COX7B2: variants seen among roughly 807,000 people sequenced by gnomAD.
COX7B2 encodes the protein cytochrome c oxidase subunit 7B2.
For synonymous variants in COX7B2, 37 were observed against 32.1 expected (o/e 1.15, Z -0.51); for missense variants, 109 against 95.9 (o/e 1.14, Z -0.57).
chr4:46,790,491 T>G (rs1246035989), intron 2 of COX7B2, among the ~76,000 whole-genome samples: 1 of 152,230 alleles, frequency 6.6e-6, no homozygotes, highest in Non-Finnish European at 1.5e-5. Flanking sequence ...TTATTATTGC[T>G]GGGCTTATCT....
At chr4:46,883,402 T>C (rs1307779341) in intron 1 of COX7B2, among the ~76,000 whole-genome samples, 1 of 152,040 alleles carries the variant, frequency 6.6e-6, no homozygotes, top group Admixed American at 6.6e-5. Context: ...ATTTTTGCAC[T>C]AGTATTTTCT....
chr4:46,801,625 C>T (rs1174953859), intron 2 of COX7B2, among the ~76,000 whole-genome samples: 3 of 152,082 alleles, frequency 2.0e-5, no homozygotes, highest in Admixed American at 6.6e-5. Context: ...GTTATGCCCA[C>T]TACCTGGGTG....
chr4:46,749,411 C>G (rs1036680503), intron 2 of COX7B2, among the ~76,000 whole-genome samples: 1 of 152,142 alleles, frequency 6.6e-6, no homozygotes, highest in Non-Finnish European at 1.5e-5. Flanking sequence ...TCCCCATCCT[C>G]CATCTATTTT....
At chr4:46,813,754 C>A (rs1719406509) in intron 2 of COX7B2, among the ~76,000 whole-genome samples, 1 of 152,090 alleles carries the variant, frequency 6.6e-6, no homozygotes, top group Non-Finnish European at 1.5e-5. Context: ...AGTAAAGAGA[C>A]AACTTGTAAG....
chr4:46,747,611 A>G (rs925734824), intron 2 of COX7B2, among the ~76,000 whole-genome samples: 2 of 152,110 alleles, frequency 1.3e-5, no homozygotes, highest in African/African-American at 4.8e-5. Context: ...CTTAGCTCCC[A>G]CTTATAAGTG....
At chr4:46,835,079 G>C (rs1027156123) in intron 2 of COX7B2, among the ~76,000 whole-genome samples, 4 of 152,054 alleles carry the variant, frequency 2.6e-5, no homozygotes, top group African/African-American at 9.7e-5. Flanking sequence ...TTCCCTAGTA[G>C]TTTGATAAAG....
At chr4:46,898,087 T>A (rs1364531237) in intron 1 of COX7B2, among the ~76,000 whole-genome samples, 1 of 152,148 alleles carries the variant, frequency 6.6e-6, no homozygotes, top group Non-Finnish European at 1.5e-5. Flanking sequence ...AGTCTGAACC[T>A]GTATCTCCTC....
chr4:46,775,384 T>C (rs1477693029), intron 2 of COX7B2, among the ~76,000 whole-genome samples: 1 of 152,120 alleles, frequency 6.6e-6, no homozygotes, highest in Non-Finnish European at 1.5e-5. Flanking sequence ...TCACTGTATT[T>C]TAGGATGACT....
At chr4:46,821,313 TCCAGAAGAAA>T (rs1205052129) in intron 2 of COX7B2, among the ~76,000 whole-genome samples, 1 of 152,202 alleles carries the variant, frequency 6.6e-6, no homozygotes, top group African/African-American at 2.4e-5. Flanking sequence ...AAATTACTTT[TCCAGAAGAAA>T]ATATGGACTC....
intron 2 of COX7B2, among the ~76,000 whole-genome samples, chr4:46,832,808 C>T (rs1439391884): frequency 1.3e-5 from 2 of 152,200 alleles, no homozygotes; most frequent in East Asian, 3.9e-4. Context: ...CCACTAGCTC[C>T]CCTTCGCCTT....
intron 2 of COX7B2, among the ~76,000 whole-genome samples, chr4:46,793,996 C>A (rs1275763817): frequency 6.6e-6 from 1 of 152,156 alleles, no homozygotes; most frequent in Non-Finnish European, 1.5e-5. Context: ...CCTGAAGCAA[C>A]TGCCATGAAA....
chr4:46,817,863 T>A (rs1257239023), intron 2 of COX7B2, among the ~76,000 whole-genome samples: 1 of 152,220 alleles, frequency 6.6e-6, no homozygotes, highest in Admixed American at 6.5e-5. Context: ...CCTTCAAGCA[T>A]GTTTTTCCCT....
intron 2 of COX7B2, among the ~76,000 whole-genome samples, chr4:46,778,137 G>A (rs1411642020): frequency 6.6e-6 from 1 of 152,084 alleles, no homozygotes; most frequent in South Asian, 2.1e-4. Context: ...GTCTGAAGGT[G>A]GGGAGGGAAG....
chr4:46,778,562 C>A (rs897624706), intron 2 of COX7B2, among the ~76,000 whole-genome samples: 3 of 152,006 alleles, frequency 2.0e-5, no homozygotes, highest in Admixed American at 1.3e-4. Context: ...TATGAGTGAC[C>A]TACTTAAACA....
At chr4:46,856,793 A>AT (rs1717034305) in intron 1 of COX7B2, among the ~76,000 whole-genome samples, 1 of 152,110 alleles carries the variant, frequency 6.6e-6, no homozygotes, top group South Asian at 2.1e-4. Context: ...GATAAATTTT[A>AT]TTTTTTTACT....
intron 2 of COX7B2, among the ~76,000 whole-genome samples, chr4:46,812,443 A>C (rs1200309752): frequency 6.6e-6 from 1 of 152,062 alleles, no homozygotes. Flanking sequence ...AGGACCCAGA[A>C]CAAACAGGGC....
chr4:46,828,498 A>G (rs1345171230), intron 2 of COX7B2, among the ~76,000 whole-genome samples: 1 of 152,162 alleles, frequency 6.6e-6, no homozygotes, highest in Non-Finnish European at 1.5e-5. Flanking sequence ...TCTGTAAAGC[A>G]TTCAGGAAAT....
intron 2 of COX7B2, among the ~76,000 whole-genome samples, chr4:46,781,874 G>T (rs115956996): frequency 3.2e-4 from 48 of 152,314 alleles, no homozygotes; most frequent in African/African-American, 1.2e-3. Flanking sequence ...CTGCCCACGC[G>T]GGCCTCAGCC....
At chr4:46,901,044 T>C (rs2109895193) in intron 1 of COX7B2, among the ~76,000 whole-genome samples, 1 of 152,352 alleles carries the variant, frequency 6.6e-6, no homozygotes, top group Middle Eastern at 3.4e-3. Flanking sequence ...TGCCTTTGAT[T>C]ACCTAGCCTA....
Sources: allele counts gnomAD v4.1 joint callset (sites outside exome capture counted in the v4.1 genomes callset), GRCh38; gene constraint gnomAD v4.1.1; transcripts MANE v1.5; gene names NCBI Gene and HGNC (gene_info 2026-07-23, HGNC 2026-07-21).